The following FRYL variants were observed in gnomAD, a reference collection of about 807,000 sequenced individuals.
FRYL encodes protein furry homolog-like.
Under a neutral mutation model 351.2 loss-of-function variants are expected in FRYL, and 150 were observed. The ratio of observed to expected loss-of-function variants is 0.43; its 90% CI spans 0.37 to 0.49. The LOEUF (loss-of-function observed/expected upper bound fraction) is 0.49, where lower values mean the gene tolerates loss of function less well. Among genes scored for constraint, FRYL ranks in the 20% least tolerant of loss-of-function variants. FRYL has a pLI of 0.00. For synonymous variants in FRYL, 1,153 were observed against 1,257.1 expected (o/e 0.92, Z 1.75); for missense variants, 3,036 against 3,619.3 (o/e 0.84, Z 4.13).
intron 2 of FRYL, among the ~76,000 whole-genome samples, chr4:48,708,650 T>C (rs1256091719): frequency 3.9e-5 from 6 of 152,210 alleles, no homozygotes; most frequent in Non-Finnish European, 4.4e-5. Flanking sequence ...TGGAATGCAG[T>C]GGCGCAATCA....
intron 53 of FRYL, among the ~76,000 whole-genome samples, chr4:48,525,983 GTA>G (rs1330808920): frequency 6.6e-6 from 1 of 151,590 alleles, no homozygotes; most frequent in African/African-American, 2.4e-5. Flanking sequence ...TATATGAGTT[GTA>G]TATGTGTATG....
intron 21 of FRYL, 135 bp downstream of exon 21, chr4:48,581,285 A>T: frequency 1.5e-6 from 1 of 662,992 alleles, no homozygotes. Context: ...GATCCGCCCG[A>T]CTCGGCCTCC....
intron 1 of FRYL, among the ~76,000 whole-genome samples, chr4:48,740,074 C>T (rs924342648): frequency 4.6e-5 from 7 of 151,968 alleles, no homozygotes; most frequent in Admixed American, 3.3e-4. Context: ...TATAAATTAC[C>T]TAGTTTCAGG....
intron 1 of FRYL, among the ~76,000 whole-genome samples, chr4:48,726,456 T>C (rs1169667295): frequency 1.3e-5 from 2 of 151,954 alleles, no homozygotes; most frequent in Non-Finnish European, 2.9e-5. Flanking sequence ...CCGAGGTGGG[T>C]GGATCACTTG....
intron 7 of FRYL, among the ~76,000 whole-genome samples, chr4:48,612,316 T>C (rs1201772162): frequency 6.6e-6 from 1 of 152,192 alleles, no homozygotes; most frequent in African/African-American, 2.4e-5. Context: ...AATAAACCTT[T>C]TGACCCTGGT....
Position 48,528,335 on chromosome 4 carries a change from G to A in FRYL, c.6905C>T (p.Thr2302Ile). Residue 2302 changes from threonine to isoleucine, a missense_variant and splice_region_variant, in exon 51 of 64, where the codon ACA becomes ATA. Physicochemically the swap from Thr to Ile is moderately conservative, Grantham distance 89 (BLOSUM62 -1). This residue lies in a region of FRYL where 1,987 missense variants were observed against 2,311.7 expected (regional missense o/e 0.86). Coordinates refer to ENST00000358350, the MANE Select transcript of FRYL (RefSeq NM_015030.2). ...ACCATATTTGTTTCCAATAATTGGT[G>A]TCTACACAGAAACAAAATGTCAGTG... is the stretch of plus-strand genomic sequence containing the variant. ...TLDFHFDISE[T>I]PIIGNKYGDQ... 6.2e-7 allele frequency: 1 copy of A among 1,600,720 alleles called. No homozygotes were observed.
rs1266535933 is a variant in FRYL, at chr4:48,550,705, C to CTA, written c.4521-3_4521-2dup. 6.3e-7 allele frequency: 1 copy of CTA among 1,595,554 alleles called. No individual in the cohort carries two copies. The highest frequency in any genetic ancestry group is 2.2e-5 in the East Asian group (1 of 44,794). Reference sequence around the variant, plus strand: ...ACTGTAAATGTCCAGGTGCACATAGCTATGGGAATGATCACTGAAGTTAGT... The same window carrying CTA: ...ACTGTAAATGTCCAGGTGCACATAGCTATATGGGAATGATCACTGAAGTTAGT... On this transcript the variant is annotated splice_acceptor_variant, in intron 37 of 63. Transcript: ENST00000358350. LOFTEE classifies it high-confidence loss of function.
Position 48,562,869 on chromosome 4 carries a change from A to T in FRYL, c.3696+20T>A. On this transcript the variant is annotated intron_variant, in intron 32 of 63. Coordinates refer to ENST00000358350, the MANE Select transcript of FRYL (RefSeq NM_015030.2). ...TTAAATCCTGAGTAAAAAAATATTTAAATTCACATGTTTACAAACCTGTAA... is the reference window on the plus strand; with the variant it reads ...TTAAATCCTGAGTAAAAAAATATTTTAATTCACATGTTTACAAACCTGTAA... The T allele has an allele frequency of 7.4e-7, 1 of 1,358,596 alleles. No homozygotes were observed. The highest frequency in any genetic ancestry group is 1.0e-6 in the Non-Finnish European group (1 of 957,344). The allele number at this position is 1,358,596 out of a possible 1,614,324, so 84.2% of individuals were successfully genotyped here. A position where few individuals can be genotyped will look rare whatever the true frequency, so the allele number is the denominator to read the frequency against.
chr4:48,595,493 T>C (rs1272915448), intron 15 of FRYL, 97 bp downstream of exon 15: 3 of 598,542 alleles, frequency 5.0e-6, no homozygotes, highest in Non-Finnish European at 8.7e-6. Context: ...TGTATTACTA[T>C]GTTTTTAGAT....
chr4:48,592,164 G>A (rs1463337727), intron 16 of FRYL, among the ~76,000 whole-genome samples: 3 of 144,438 alleles, frequency 2.1e-5, no homozygotes, highest in Admixed American at 6.9e-5. Context: ...CTTTATATAC[G>A]ACATAGTACT....
intron 36 of FRYL, 62 bp downstream of exon 36, chr4:48,553,153 T>C (rs1389338527): frequency 8.2e-6 from 11 of 1,337,670 alleles, no homozygotes; most frequent in South Asian, 5.3e-5. Context: ...ATGGTTACCA[T>C]AGTGAAGCAG....
chr4:48,615,426 G>C (rs1400396315), intron 7 of FRYL, among the ~76,000 whole-genome samples: 1 of 152,164 alleles, frequency 6.6e-6, no homozygotes, highest in Non-Finnish European at 1.5e-5. Context: ...GCTTGAAATG[G>C]CTCACAAACT....
At chr4:48,675,441 G>A (rs1470530740) in intron 3 of FRYL, among the ~76,000 whole-genome samples, 2 of 152,216 alleles carry the variant, frequency 1.3e-5, no homozygotes, top group African/African-American at 4.8e-5. Context: ...CGGAGCAGAC[G>A]GCCAGCCCTG....
rs200465780 is a variant in FRYL, at chr4:48,521,164, G to A, written c.7573C>T (p.Leu2525Phe). ...DETIPDHPDL[L>F]LQSEDSTGSI... The stretch of plus-strand genomic sequence containing the variant: ...CCAGTGGAATCTTCAGACTGGAGAA[G>A]TAAGTCAGGATGGTCTGGTATTGTT... The change falls in exon 55 of 64, where the codon CTT becomes TTT. Residue 2525 changes from leucine (L) to phenylalanine (F), a missense_variant. Physicochemically the swap from Leu to Phe is conservative, Grantham distance 22. Around this residue, in one of 7 missense-constraint regions of FRYL, gnomAD observed 1,987 missense variants for 2,311.7 expected, o/e 0.86. Coordinates refer to ENST00000358350, the MANE Select transcript of FRYL (RefSeq NM_015030.2). 1 of 1,613,466 alleles carries A rather than the reference G, an allele frequency of 6.2e-7. No homozygotes were observed. Among genetic ancestry groups the A allele is most frequent in the Non-Finnish European group, 8.5e-7 (1 of 1,179,488 alleles).
At chr4:48,764,831 A>G (rs75111749) in intron 1 of FRYL, among the ~76,000 whole-genome samples, 1 of 152,180 alleles carries the variant, frequency 6.6e-6, no homozygotes. Flanking sequence ...GGCATTTTTC[A>G]CAGAAATAGG....
chr4:48,582,251 G>T (rs1167737370), intron 20 of FRYL, among the ~76,000 whole-genome samples: 2 of 152,088 alleles, frequency 1.3e-5, no homozygotes, highest in African/African-American at 2.4e-5. Context: ...AAGTGAGCTG[G>T]AATTATCTCT....
intron 15 of FRYL, among the ~76,000 whole-genome samples, chr4:48,595,119 T>G (rs879385435): frequency 6.6e-6 from 1 of 152,216 alleles, no homozygotes; most frequent in Admixed American, 6.5e-5. Context: ...CCACATGTGG[T>G]GACTTCCTTG....
intron 1 of FRYL, among the ~76,000 whole-genome samples, chr4:48,770,838 AT>A (rs1311013359): frequency 6.6e-6 from 1 of 152,186 alleles, no homozygotes; most frequent in Admixed American, 6.6e-5. Flanking sequence ...CTGAAATAAA[AT>A]TTTTGCAGAC....
Position 48,499,586 on chromosome 4 carries a change from T to C in FRYL, c.8878A>G (p.Thr2960Ala), listed in dbSNP as rs1185686881. 1.2e-6 allele frequency: 2 copies of C among 1,614,144 alleles called. No individual in the cohort carries two copies. Among genetic ancestry groups the C allele is most frequent in the East Asian group, 4.5e-5 (2 of 44,874 alleles). The change falls in exon 64 of 64, where the codon ACA (threonine) becomes GCA (alanine). Residue 2960 changes from threonine to alanine, a missense_variant. Thr to Ala is a moderately conservative substitution (Grantham distance 58). Transcript: ENST00000358350. Reference sequence around the variant, plus strand: ...GAGCCTATAACTGCAAAGCTTCCTGTCTGGCCCAGCGTCTGATGATGGAAA... The same window carrying C: ...GAGCCTATAACTGCAAAGCTTCCTGCCTGGCCCAGCGTCTGATGATGGAAA... ...IYFHHQTLGQ[T>A]GSFAVIGSNL...
Sources: gnomAD v4.1 joint callset for allele counts (sites outside exome capture counted in the v4.1 genomes callset) on GRCh38, gnomAD v4.1.1 for gene constraint, gnomAD v4.1.1 regional missense constraint, MANE v1.5 for transcripts, NCBI Gene and HGNC (gene_info 2026-07-23, HGNC 2026-07-21) for gene names.